The following SYT9 variants were observed in gnomAD, a reference collection of about 807,000 sequenced individuals.
SYT9 encodes synaptotagmin 9.
In SYT9, 22 loss-of-function variants were observed where a neutral mutation model predicts 48.4. That is an observed-to-expected ratio of 0.45 (90% CI 0.32 to 0.65). SYT9 has a LOEUF of 0.65. SYT9 is among the 30% of genes least tolerant of loss of function. The pLI is 0.03. For synonymous variants in SYT9, 265 were observed against 245.0 expected, an observed-to-expected ratio of 1.08 and a Z score of -0.76; for missense variants, 577 against 622.0, an observed-to-expected ratio of 0.93 and a Z score of 0.77.
chr11:7,376,345 T>TTTCCTTCC (rs370224542), intron 3 of SYT9, among the ~76,000 whole-genome samples: 5,272 of 142,700 alleles, frequency 0.037, 251 homozygotes, highest in African/African-American at 0.11. Context: ...TCCCTCTTTC[T>TTTCCTTCC]TTCCTTCCTT....
intron 5 of SYT9, 105 bp downstream of exon 5, chr11:7,418,233 C>T: frequency 1.5e-6 from 2 of 1,306,286 alleles, no homozygotes; most frequent in East Asian, 2.3e-5. Context: ...TCCCAGGCTG[C>T]AGGAAATGAG....
At chr11:7,370,723 G>A (rs947369666) in intron 3 of SYT9, among the ~76,000 whole-genome samples, 1 of 152,124 alleles carries the variant, frequency 6.6e-6, no homozygotes, top group African/African-American at 2.4e-5. Flanking sequence ...CAAAAATGTT[G>A]TCAAGTTGGG....
intron 1 of SYT9, among the ~76,000 whole-genome samples, chr11:7,241,056 A>G (rs1207869262): frequency 6.6e-6 from 1 of 152,128 alleles, no homozygotes; most frequent in African/African-American, 2.4e-5. Context: ...AAAACATTTT[A>G]AAAGAAAAAA....
chr11:7,380,315 G>A (rs1850537595), intron 3 of SYT9, among the ~76,000 whole-genome samples: 1 of 151,962 alleles, frequency 6.6e-6, no homozygotes, highest in Admixed American at 6.6e-5. Flanking sequence ...GGGAGTGTGG[G>A]GATGGGTAAT....
intron 3 of SYT9, among the ~76,000 whole-genome samples, chr11:7,394,281 G>C (rs1350523220): frequency 6.6e-6 from 1 of 152,104 alleles, no homozygotes; most frequent in East Asian, 1.9e-4. Context: ...TCCCTACAAA[G>C]GACATGAACT....
At chr11:7,288,516 C>G (rs1382718587) in intron 1 of SYT9, among the ~76,000 whole-genome samples, 1 of 152,202 alleles carries the variant, frequency 6.6e-6, no homozygotes, top group African/African-American at 2.4e-5. Context: ...GATCATTACC[C>G]CTTATCTGTC....
At chr11:7,363,206 G>A (rs551757390) in intron 3 of SYT9, among the ~76,000 whole-genome samples, 1 of 151,600 alleles carries the variant, frequency 6.6e-6, no homozygotes, top group African/African-American at 2.4e-5. Flanking sequence ...TACTCTTGCT[G>A]CTACTACAGA....
chr11:7,454,177 C>G (rs1477599556), intron 6 of SYT9: 67 of 985,288 alleles, frequency 6.8e-5, no homozygotes, highest in Non-Finnish European at 7.8e-5. Context: ...CCTCCAGCTC[C>G]CAGAATCACC....
chr11:7,345,169 T>C (rs879589740), intron 3 of SYT9, among the ~76,000 whole-genome samples: 3 of 152,192 alleles, frequency 2.0e-5, no homozygotes, highest in Admixed American at 2.0e-4. Flanking sequence ...TCTGGTACTC[T>C]ACCCTGCAAA....
At chr11:7,279,624 T>G (rs1488889528) in intron 1 of SYT9, among the ~76,000 whole-genome samples, 1 of 152,184 alleles carries the variant, frequency 6.6e-6, no homozygotes, top group Non-Finnish European at 1.5e-5. Context: ...AATCATGATC[T>G]CTGGAGGCAT....
intron 3 of SYT9, among the ~76,000 whole-genome samples, chr11:7,413,018 G>GGT (rs1411900376): frequency 6.6e-6 from 1 of 152,188 alleles, no homozygotes; most frequent in Non-Finnish European, 1.5e-5. Context: ...CAGGTCCCCT[G>GGT]GTAATATGTT....
chr11:7,269,182 AGT>A (rs1488376309), intron 1 of SYT9, among the ~76,000 whole-genome samples: 1 of 151,930 alleles, frequency 6.6e-6, no homozygotes, highest in Non-Finnish European at 1.5e-5. Flanking sequence ...ATGGCAATAT[AGT>A]ATCTGGTAAA....
intron 3 of SYT9, among the ~76,000 whole-genome samples, chr11:7,349,690 T>C (rs72856412): frequency 3.3e-5 from 5 of 152,334 alleles, no homozygotes; most frequent in Non-Finnish European, 7.3e-5. Flanking sequence ...TAGTGTGTTT[T>C]CCACTTAATT....
chr11:7,308,073 A>G (rs1304896203), intron 2 of SYT9, among the ~76,000 whole-genome samples: 5 of 152,308 alleles, frequency 3.3e-5, no homozygotes, highest in African/African-American at 1.2e-4. Context: ...GTCTGTCCCT[A>G]TCCAGGATTT....
intron 3 of SYT9, among the ~76,000 whole-genome samples, chr11:7,392,930 A>G (rs1846661088): frequency 6.6e-6 from 1 of 152,080 alleles, no homozygotes; most frequent in African/African-American, 2.4e-5. Flanking sequence ...AAATGCTACT[A>G]ACTTAAATAT....
chr11:7,448,465 G>A (rs185547682), intron 6 of SYT9, among the ~76,000 whole-genome samples: 5 of 152,342 alleles, frequency 3.3e-5, no homozygotes, highest in South Asian at 2.1e-4. Context: ...AAGGCGGAAC[G>A]GGGTAGCAGC....
chr11:7,356,136 C>G (rs1030830004), intron 3 of SYT9, among the ~76,000 whole-genome samples: 1 of 152,100 alleles, frequency 6.6e-6, no homozygotes, highest in Non-Finnish European at 1.5e-5. Context: ...TGAGCCTGTC[C>G]AGGAGCTGAG....
chr11:7,355,593 G>T (rs923584422), intron 3 of SYT9, among the ~76,000 whole-genome samples: 6 of 152,180 alleles, frequency 3.9e-5, no homozygotes, highest in Admixed American at 1.3e-4. Flanking sequence ...TGCAGTTATT[G>T]TCTGATCCAT....
At chr11:7,260,686 A>G (rs1386171945) in intron 1 of SYT9, among the ~76,000 whole-genome samples, 2 of 152,158 alleles carry the variant, frequency 1.3e-5, no homozygotes, top group Non-Finnish European at 2.9e-5. Context: ...TTACTGGCAA[A>G]TATGTTCTTT....
Sources: allele counts gnomAD v4.1 joint callset (sites outside exome capture counted in the v4.1 genomes callset), GRCh38; gene constraint gnomAD v4.1.1; transcripts MANE v1.5; gene names NCBI Gene and HGNC (gene_info 2026-07-23, HGNC 2026-07-21).